The following CKAP2L variants were observed in gnomAD, a reference collection of about 807,000 sequenced individuals.
The protein encoded by CKAP2L is cytoskeleton associated protein 2L.
Under a neutral mutation model 65.7 loss-of-function variants are expected in CKAP2L, and 42 were observed. The observed-to-expected ratio is 0.64, with a 90% confidence interval of 0.50 to 0.83. The LOEUF is 0.83. Among genes scored for constraint, CKAP2L ranks in the 40% least tolerant of loss-of-function variants. CKAP2L has a pLI of 0.00. For synonymous variants in CKAP2L, 325 were observed against 313.5 expected (o/e 1.04, Z -0.39); for missense variants, 908 against 871.0 (o/e 1.04, Z -0.53).
intron 7 of CKAP2L, among the ~76,000 whole-genome samples, chr2:112,741,924 CT>C: frequency 6.9e-6 from 1 of 145,418 alleles, no homozygotes; most frequent in Non-Finnish European, 1.5e-5. Context: ...CCACAACTGG[CT>C]AATTTTTCTT....
intron 5 of CKAP2L, among the ~76,000 whole-genome samples, chr2:112,748,330 G>A (rs959741058): frequency 1.3e-5 from 2 of 152,170 alleles, no homozygotes; most frequent in Non-Finnish European, 2.9e-5. Context: ...TCAGACTGAC[G>A]TGAGACATTA....
chr2:112,742,874 T>C (rs918582963), intron 6 of CKAP2L, 105 bp from the exon 7 acceptor site: 2 of 722,708 alleles, frequency 2.8e-6, no homozygotes, highest in African/African-American at 3.6e-5. Flanking sequence ...AAGTTTCCTT[T>C]TAAAATCTCG....
chr2:112,738,638 A>G lies in CKAP2L; in HGVS notation c.*185T>C, dbSNP rs1317620149. 5.0e-6 allele frequency: 3 copies of G among 598,672 alleles called. No individual in the cohort carries two copies. Among genetic ancestry groups the G allele is most frequent in the Non-Finnish European group, 8.9e-6 (3 of 337,700 alleles). The allele number at this position is 598,672 out of a possible 1,614,324, so 37.1% of individuals were successfully genotyped here. Reference sequence around the variant, plus strand: ...TAAAACTGGCAAACTGGTCTTAAACACATAAAGCAAAGATTTTCCCATGGG... The same window carrying G: ...TAAAACTGGCAAACTGGTCTTAAACGCATAAAGCAAAGATTTTCCCATGGG... On this transcript the variant is annotated 3_prime_UTR_variant, in exon 9 of 9. Transcript: ENST00000302450.
chr2:112,742,541 A>G, intron 7 of CKAP2L, 165 bp downstream of exon 7: 1 of 711,148 alleles, frequency 1.4e-6, no homozygotes, highest in South Asian at 1.5e-5. Context: ...TTGTAATAAT[A>G]CAAATAAGTC....
chr2:112,741,347 C>T (rs1025534228), intron 7 of CKAP2L, among the ~76,000 whole-genome samples: 5 of 152,170 alleles, frequency 3.3e-5, no homozygotes, highest in African/African-American at 9.7e-5. Flanking sequence ...TCTACCCTTA[C>T]ACCACACCTT....
chr2:112,755,241 G>A (rs1680494187), intron 4 of CKAP2L, among the ~76,000 whole-genome samples: 1 of 152,180 alleles, frequency 6.6e-6, no homozygotes, highest in South Asian at 2.1e-4. Flanking sequence ...AAAATCCACT[G>A]GCTCAGTTTT....
Position 112,739,063 on chromosome 2 carries a change from G to C in CKAP2L, c.2013-15C>G. On this transcript the variant is annotated splice_polypyrimidine_tract_variant and intron_variant, in intron 8 of 8. Transcript: ENST00000302450. ...TCCCATTTATTCTGAGAGACAGCAA[G>C]AGATGCATTAAAAACCTTATCATTT... 6.3e-7 allele frequency: 1 copy of C among 1,579,192 alleles called. No homozygotes were observed. The highest frequency in any genetic ancestry group is 8.7e-7 in the Non-Finnish European group (1 of 1,150,266).
chr2:112,762,362 A>C, intron 2 of CKAP2L, 141 bp downstream of exon 2: 1 of 664,448 alleles, frequency 1.5e-6, no homozygotes, highest in East Asian at 2.7e-5. Context: ...GCCTGGACTG[A>C]AATGCTCTTT....
intron 1 of CKAP2L, 64 bp downstream of exon 1, chr2:112,764,498 G>A (rs1680839177): frequency 1.3e-6 from 2 of 1,556,040 alleles, no homozygotes; most frequent in African/African-American, 2.7e-5. Flanking sequence ...CTCACTCGGT[G>A]GCCTCCTACT....
intron 7 of CKAP2L, among the ~76,000 whole-genome samples, chr2:112,741,381 A>C (rs1679952488): frequency 1.3e-5 from 2 of 152,192 alleles, no homozygotes; most frequent in South Asian, 4.1e-4. Flanking sequence ...TGACTCACTA[A>C]GGTTAACTCA....
Position 112,752,656 on chromosome 2 carries a change from C to T in CKAP2L, c.1395-182G>A, listed in dbSNP as rs17042330. On this transcript the variant is annotated intron_variant, in intron 4 of 8. Coordinates refer to ENST00000302450, the MANE Select transcript of CKAP2L (RefSeq NM_152515.5). ...GGCAGCATTGGGTTGCGCCCACCCACGAGAAGGCAGACACCAAGATTCTAA... is the reference window on the plus strand; with the variant it reads ...GGCAGCATTGGGTTGCGCCCACCCATGAGAAGGCAGACACCAAGATTCTAA... Among the ~76,000 whole-genome samples, 5,000 of 152,240 alleles carry T rather than the reference C, an allele frequency of 0.033. 280 individuals are homozygous for T. Among genetic ancestry groups the T allele is most frequent in the African/African-American group, 0.11 (4,754 of 41,522 alleles).
rs369137431 is a variant in CKAP2L, at chr2:112,757,059, A to G, written c.312T>C (p.Thr104=). ...EPPKLLGKRL[T]SECVSSNPYS... is the part of the protein sequence containing the mutation. ...ATGGGTTAGAAGAAACACATTCTGAAGTCAGCCTTTTGCCCAGAAGTTTTG... is the reference window on the plus strand; with the variant it reads ...ATGGGTTAGAAGAAACACATTCTGAGGTCAGCCTTTTGCCCAGAAGTTTTG... The change falls in exon 4 of 9, where the codon ACT becomes ACC. Residue 104 remains threonine, a synonymous_variant. Coordinates refer to ENST00000302450, the MANE Select transcript of CKAP2L (RefSeq NM_152515.5). 8 of 1,614,084 alleles carry G rather than the reference A, an allele frequency of 5.0e-6. No homozygotes were observed. In the African/African-American group the frequency reaches 1.1e-4, roughly 22 times the overall value.
intron 3 of CKAP2L, among the ~76,000 whole-genome samples, chr2:112,757,790 T>C (rs546668879): frequency 6.6e-5 from 10 of 152,350 alleles, no homozygotes; most frequent in Admixed American, 5.9e-4. Context: ...CAAAACTTGC[T>C]CTTTCAAAAA....
Position 112,756,298 on chromosome 2 carries a change from C to CT in CKAP2L, c.1072dup (p.Ser358LysfsTer23). ...TGATGTCTGAGGTATACAAACTTGG[C>CT]TGGACTTCTGATCTTGCTTGATGTT... On this transcript the variant is annotated frameshift_variant, in exon 4 of 9. Coordinates refer to ENST00000302450, the MANE Select transcript of CKAP2L (RefSeq NM_152515.5). LOFTEE classifies it high-confidence loss of function. 2 of 1,613,920 alleles carry CT rather than the reference C, an allele frequency of 1.2e-6. No homozygotes were observed. The highest frequency in any genetic ancestry group is 1.7e-6 in the Non-Finnish European group (2 of 1,179,930).
At chr2:112,751,050 A>G (rs950213814) in intron 5 of CKAP2L, among the ~76,000 whole-genome samples, 1 of 152,170 alleles carries the variant, frequency 6.6e-6, no homozygotes, top group African/African-American at 2.4e-5. Flanking sequence ...TATGAACTCT[A>G]GAACAATGAC....
intron 5 of CKAP2L, among the ~76,000 whole-genome samples, chr2:112,751,037 A>G (rs918678363): frequency 6.6e-6 from 1 of 152,192 alleles, no homozygotes; most frequent in Non-Finnish European, 1.5e-5. Flanking sequence ...TTGACTCAAG[A>G]TATATGAACT....
chr2:112,736,671 CAT>C lies in CKAP2L; in HGVS notation c.*2150_*2151del, dbSNP rs975348000. ...CTCTTTCTTAAAAAATTAAATATTC[CAT>C]ATGTGAGATCATGCAGTATTTTTCC... is the stretch of plus-strand genomic sequence containing the variant. On this transcript the variant is annotated 3_prime_UTR_variant, in exon 9 of 9. Transcript: ENST00000302450. 2.0e-5 allele frequency: 3 copies of C among 152,150 alleles called. No homozygotes were observed. Among genetic ancestry groups the C allele is most frequent in the Non-Finnish European group, 2.9e-5 (2 of 68,040 alleles). The allele number at this position is 152,150 out of a possible 1,614,324, so 9.4% of individuals were successfully genotyped here. A position where few individuals can be genotyped will look rare whatever the true frequency, so the allele number is the denominator to read the frequency against.
chr2:112,737,222 G>A lies in CKAP2L; in HGVS notation c.*1601C>T, dbSNP rs1574300648. 1 of 152,090 alleles carries A rather than the reference G, an allele frequency of 6.6e-6. No homozygotes were observed. The highest frequency in any genetic ancestry group is 2.4e-5 in the African/African-American group (1 of 41,420). The allele number at this position is 152,090 out of a possible 1,614,324, so 9.4% of individuals were successfully genotyped here. ...GTGTGAGTCACTGCGCCCAGCTGGT[G>A]ATTTCATCTTCTTTGGGTACATACT... On this transcript the variant is annotated 3_prime_UTR_variant, in exon 9 of 9. Transcript: ENST00000302450.
chr2:112,745,882 A>G (rs1419992508), intron 6 of CKAP2L, among the ~76,000 whole-genome samples: 1 of 152,184 alleles, frequency 6.6e-6, no homozygotes, highest in African/African-American at 2.4e-5. Context: ...TCCATAAATC[A>G]TATCTAAAAC....
Sources: allele counts gnomAD v4.1 joint callset (sites outside exome capture counted in the v4.1 genomes callset), GRCh38; gene constraint gnomAD v4.1.1; transcripts MANE v1.5; gene names NCBI Gene and HGNC (gene_info 2026-07-23, HGNC 2026-07-21).